Variants in PTPRS observed in about 807,000 individuals in gnomAD.
The protein encoded by PTPRS is protein tyrosine phosphatase receptor type S.
Under a neutral mutation model 215.3 loss-of-function variants are expected in PTPRS, and 63 were observed. The ratio of observed to expected loss-of-function variants is 0.29; its 90% CI spans 0.24 to 0.36. The LOEUF (loss-of-function observed/expected upper bound fraction) is 0.36, where lower values mean the gene tolerates loss of function less well. PTPRS is among the 10% of genes least tolerant of loss of function. PTPRS has a pLI of 1.00. For synonymous variants in PTPRS, 1,404 were observed against 1,191.4 expected, an observed-to-expected ratio of 1.18 and a Z score of -3.68; for missense variants, 2,258 against 2,825.8, an observed-to-expected ratio of 0.80 and a Z score of 4.56.
intron 1 of PTPRS, among the ~76,000 whole-genome samples, chr19:5,291,303 A>G (rs1176123978): frequency 1.3e-5 from 2 of 151,906 alleles, no homozygotes; most frequent in East Asian, 1.9e-4. Flanking sequence ...TGTTTAACGG[A>G]TTAGGAAACC....
chr19:5,304,753 G>A (rs552139437), intron 1 of PTPRS, among the ~76,000 whole-genome samples: 5 of 152,272 alleles, frequency 3.3e-5, no homozygotes, highest in Non-Finnish European at 5.9e-5. Context: ...GAGAAATTGC[G>A]CTGGGCTGGG....
At chr19:5,304,777 G>A (rs970059431) in intron 1 of PTPRS, among the ~76,000 whole-genome samples, 2 of 152,164 alleles carry the variant, frequency 1.3e-5, no homozygotes, top group Non-Finnish European at 2.9e-5. Flanking sequence ...GGGAGGTTGG[G>A]GAGTGGGAAG....
rs376578659 is a variant in PTPRS at position 5,258,002 on chromosome 19, C to G, written c.706+15G>C. The G allele has an allele frequency of 1.2e-6, 2 of 1,607,088 alleles. No individual in the cohort carries two copies. The highest frequency in any genetic ancestry group is 2.7e-5 in the African/African-American group (2 of 74,934). On this transcript the variant is annotated intron_variant, in intron 8 of 37. Transcript: ENST00000262963. Reference sequence around the variant, plus strand: ...GGCGGGTCCCTGCCTTTGACCTGGACGCGGCGTTCCCTACCTCGCACGTAG... The same window carrying G: ...GGCGGGTCCCTGCCTTTGACCTGGAGGCGGCGTTCCCTACCTCGCACGTAG...
intron 1 of PTPRS, among the ~76,000 whole-genome samples, chr19:5,296,741 G>A (rs1244691427): frequency 2.0e-5 from 3 of 151,548 alleles, no homozygotes; most frequent in African/African-American, 7.3e-5. Context: ...GGGGAGGGAA[G>A]GAATGGGGAC....
intron 1 of PTPRS, among the ~76,000 whole-genome samples, chr19:5,340,422 C>G (rs2050656054): frequency 6.7e-6 from 1 of 150,374 alleles, no homozygotes; most frequent in African/African-American, 2.4e-5. Context: ...CACCCCCTGC[C>G]GAGCGCCCCC....
chr19:5,215,447 A>G lies in PTPRS; in HGVS notation c.4195-35T>C, dbSNP rs1334839861. 7 of 1,484,626 alleles carry G rather than the reference A, an allele frequency of 4.7e-6. No individual in the cohort carries two copies. In the East Asian group the frequency reaches 1.1e-4, roughly 24 times the overall value. The allele number at this position is 1,484,626 out of a possible 1,614,324, so 92.0% of individuals were successfully genotyped here. A position where few individuals can be genotyped will look rare whatever the true frequency, so the allele number is the denominator to read the frequency against. ...AAGGGGAGAGCGCGGGTGTCAGGGT[A>G]GGTGCCTGTGAGGCCGAGGTGATGA... On this transcript the variant is annotated intron_variant, in intron 27 of 37. Coordinates refer to ENST00000262963, the MANE Select transcript of PTPRS (RefSeq NM_002850.4).
In PTPRS at chr19:5,218,508, G is replaced by T; in HGVS notation, c.3960C>A (p.Arg1320=). 1 of 1,614,194 alleles carries T rather than the reference G, an allele frequency of 6.2e-7. No homozygotes were observed. Among genetic ancestry groups the T allele is most frequent in the Non-Finnish European group, 8.5e-7 (1 of 1,180,026 alleles). ...CGGCATTGTTCAGGAGGCATTTGGT[G>T]CGGGGTTCTGAGTCCTTGCGTTTAC... The part of the protein sequence containing the change: ...PDSKRKDSEP[R]TKCLLNNADL... The change falls in exon 25 of 38, where the codon CGC becomes CGA. Residue 1320 remains arginine (R), a synonymous_variant. Transcript: ENST00000262963.
intron 6 of PTPRS, among the ~76,000 whole-genome samples, chr19:5,261,361 G>A (rs2045978995): frequency 6.6e-6 from 1 of 152,186 alleles, no homozygotes; most frequent in Non-Finnish European, 1.5e-5. Flanking sequence ...AAGGAAGGGT[G>A]TCACAGACAG....
chr19:5,228,563 T>G (rs1338906200), intron 16 of PTPRS, among the ~76,000 whole-genome samples: 5 of 151,922 alleles, frequency 3.3e-5, no homozygotes, highest in Admixed American at 3.3e-4. Context: ...AGGCTGGTCT[T>G]GAACTCCTGA....
intron 1 of PTPRS, among the ~76,000 whole-genome samples, chr19:5,306,799 G>A (rs550086556): frequency 2.4e-4 from 36 of 152,238 alleles, no homozygotes; most frequent in African/African-American, 8.2e-4. Context: ...CTACACAGTC[G>A]GAAATGAGTA....
At position 5,246,178 on chromosome 19, in the gene PTPRS, A is replaced by G. The variant is rs559033401; in HGVS notation, c.719-133T>C. 20 of 483,450 alleles carry G rather than the reference A, an allele frequency of 4.1e-5. No individual in the cohort carries two copies. In the East Asian group the frequency reaches 5.3e-4, roughly 13 times the overall value. 29.9% of individuals were successfully genotyped at this position (483,450 alleles called of 1,614,324 possible). The stretch of plus-strand genomic sequence containing the variant: ...AAGAAAGAAAGAAGGAAAGAAAGAA[A>G]AAAAGAAAAAAAAAGGAAAACCATT... On this transcript the variant is annotated intron_variant, in intron 9 of 37. Coordinates refer to ENST00000262963, the MANE Select transcript of PTPRS (RefSeq NM_002850.4).
At chr19:5,298,037 G>A (rs1020990523) in intron 1 of PTPRS, among the ~76,000 whole-genome samples, 8 of 151,980 alleles carry the variant, frequency 5.3e-5, no homozygotes, top group East Asian at 1.9e-4. Flanking sequence ...CTCATGATCC[G>A]CCCGCCTCGG....
At chr19:5,256,736 C>G (rs1397092251) in intron 8 of PTPRS, among the ~76,000 whole-genome samples, 1 of 152,098 alleles carries the variant, frequency 6.6e-6, no homozygotes, top group South Asian at 2.1e-4. Flanking sequence ...CGTCCATACA[C>G]CCACATCCCC....
intron 1 of PTPRS, among the ~76,000 whole-genome samples, chr19:5,337,509 TG>T (rs1315564497): frequency 6.6e-6 from 1 of 152,008 alleles, no homozygotes; most frequent in African/African-American, 2.4e-5. Flanking sequence ...CAAGTGGAGG[TG>T]TGCGCTGCCC....
At chr19:5,340,616 A>AT (rs1160200445) in intron 1 of PTPRS, 48 bp downstream of exon 1, 8 of 137,964 alleles carry the variant, frequency 5.8e-5, no homozygotes, top group Middle Eastern at 3.7e-3. Flanking sequence ...GAGCGCCTGC[A>AT]TTTTTTTTTC....
Position 5,214,719 on chromosome 19 carries a change from A to C in PTPRS, c.4336T>G (p.Tyr1446Asp). The stretch of plus-strand genomic sequence containing the variant: ...CCGTCCACGTAGTTGGCATTGATGT[A>C]ATCACTGCCCATGATGCCTGCAGCC... ...QPIEGIMGSD[Y>D]INANYVDGYR... The change falls in exon 29 of 38, where the codon TAC becomes GAC. Residue 1446 changes from tyrosine (Y) to aspartate (D), a missense_variant. By Grantham distance (160) the Tyr-to-Asp change is radical. Around this residue, in one of 6 missense-constraint regions of PTPRS, gnomAD observed 927 missense variants for 1,125.9 expected, o/e 0.82. Coordinates refer to ENST00000262963, the MANE Select transcript of PTPRS (RefSeq NM_002850.4). 6.2e-7 allele frequency: 1 copy of C among 1,606,582 alleles called. No individual in the cohort carries two copies.
chr19:5,240,099 C>CACACATA (rs1207109428), intron 12 of PTPRS, 100 bp downstream of exon 12: 21 of 1,322,922 alleles, frequency 1.6e-5, no homozygotes, highest in Middle Eastern at 5.5e-4. Context: ...GAATCCGCAG[C>CACACATA]ACACATAGGG....
Position 5,265,169 on chromosome 19 carries a change from T to C in PTPRS, c.407A>G (p.Asn136Ser), listed in dbSNP as rs139336866. 118 of 1,613,640 alleles carry C rather than the reference T, an allele frequency of 7.3e-5. No individual in the cohort carries two copies. Among genetic ancestry groups the C allele is most frequent in the Non-Finnish European group, 9.4e-5 (111 of 1,179,882 alleles). The change falls in exon 5 of 38, where the codon AAC becomes AGC. Residue 136 changes from asparagine to serine, a missense_variant. Physicochemically the swap from Asn to Ser is conservative, Grantham distance 46 (BLOSUM62 1). Around this residue, in one of 6 missense-constraint regions of PTPRS, gnomAD observed 508 missense variants for 799.4 expected, o/e 0.64. Coordinates refer to ENST00000262963, the MANE Select transcript of PTPRS (RefSeq NM_002850.4). ...REDQLPSGFP[N>S]IDMGPQLKVV... ...CTTCAACTGTGGGCCCATGTCGATG[T>C]TGGGGAAGCCAGAGGGCAGCTGGTC... is the stretch of plus-strand genomic sequence containing the variant.
At position 5,220,055 on chromosome 19, in the gene PTPRS, G is replaced by C; in HGVS notation, c.3649C>G (p.Pro1217Ala). The C allele has an allele frequency of 6.2e-7, 1 of 1,614,040 alleles. No homozygotes were observed. The highest frequency in any genetic ancestry group is 8.5e-7 in the Non-Finnish European group (1 of 1,180,042). Reference protein sequence around the residue: ...PYIAARFSVLPPTFHPGDQKQ... With the variant: ...PYIAARFSVLAPTFHPGDQKQ... ...TGGTCGCCGGGATGGAACGTGGGTG[G>C]CAGCACAGAGAAGCGAGCTGCAATA... The change falls in exon 22 of 38, where the codon CCA becomes GCA. Residue 1217 changes from proline to alanine, a missense_variant. Transcript: ENST00000262963.
Sources: allele counts gnomAD v4.1 joint callset (sites outside exome capture counted in the v4.1 genomes callset), GRCh38; gene constraint gnomAD v4.1.1; regional missense constraint gnomAD v4.1.1; transcripts MANE v1.5; gene names NCBI Gene and HGNC (gene_info 2026-07-23, HGNC 2026-07-21).